EYS: variants seen among roughly 807,000 people sequenced by gnomAD.
EYS encodes the protein protein eyes shut homolog.
A neutral mutation model predicts 282.1 loss-of-function variants in EYS; 250 were observed. The observed-to-expected ratio is 0.89, with a 90% CI of 0.80 to 0.98. The LOEUF (loss-of-function observed/expected upper bound fraction) is 0.98, where lower values mean the gene tolerates loss of function less well. Among genes scored for constraint, EYS ranks in the 50% least tolerant of loss-of-function variants. The probability of loss-of-function intolerance (pLI) is 0.00; values close to 1 mark genes in which losing one functional copy is unlikely to be tolerated. For missense variants in EYS, 4,016 were observed against 3,709.0 expected, an observed-to-expected ratio of 1.08 and a Z score of -2.15; for synonymous variants, 1,355 against 1,282.9, an observed-to-expected ratio of 1.06 and a Z score of -1.20.
intron 31 of EYS, among the ~76,000 whole-genome samples, chr6:64,154,515 T>A (rs1199748247): frequency 6.6e-6 from 1 of 151,880 alleles, no homozygotes; most frequent in Non-Finnish European, 1.5e-5. Context: ...TTTATATACA[T>A]TTTAAAGTAA....
At chr6:65,263,332 C>A (rs148568670) in intron 12 of EYS, among the ~76,000 whole-genome samples, 321 of 152,004 alleles carry the variant, frequency 2.1e-3, no homozygotes, top group Non-Finnish European at 3.9e-3. Flanking sequence ...CAGAGCGAGA[C>A]CCTTTCTCAA....
At chr6:65,606,910 C>G (rs371030283) in intron 2 of EYS, among the ~76,000 whole-genome samples, 2 of 150,568 alleles carry the variant, frequency 1.3e-5, no homozygotes, top group East Asian at 3.9e-4. Flanking sequence ...TTTGAATTTA[C>G]TAGTTATTTT....
intron 14 of EYS, among the ~76,000 whole-genome samples, chr6:64,947,815 G>A (rs1180847434): frequency 1.3e-5 from 2 of 151,644 alleles, no homozygotes; most frequent in Admixed American, 1.3e-4. Context: ...CCACTCAGTA[G>A]CATAAATGGC....
intron 22 of EYS, among the ~76,000 whole-genome samples, chr6:64,708,096 A>G (rs975020623): frequency 1.8e-4 from 28 of 152,226 alleles, no homozygotes; most frequent in Admixed American, 1.4e-3. Flanking sequence ...TTTAGTCTTC[A>G]GCAGATTAAG....
At chr6:65,675,363 C>G (rs1214002507) in intron 1 of EYS, among the ~76,000 whole-genome samples, 1 of 151,174 alleles carries the variant, frequency 6.6e-6, no homozygotes, top group African/African-American at 2.4e-5. Flanking sequence ...CTATAAGCAC[C>G]CTACAAGAGA....
intron 14 of EYS, among the ~76,000 whole-genome samples, chr6:64,970,815 A>G (rs9360103): frequency 0.068 from 10,282 of 152,196 alleles, 440 homozygotes; most frequent in East Asian, 0.13. Flanking sequence ...GTACCATAGA[A>G]TGAGGTCTGC....
intron 29 of EYS, among the ~76,000 whole-genome samples, chr6:64,331,705 G>A (rs978115857): frequency 6.6e-5 from 10 of 151,750 alleles, no homozygotes; most frequent in Admixed American, 1.3e-4. Flanking sequence ...AACTGCCATC[G>A]CTCAAGCCAT....
intron 22 of EYS, among the ~76,000 whole-genome samples, chr6:64,805,571 C>T (rs951357351): frequency 2.6e-5 from 4 of 151,478 alleles, no homozygotes; most frequent in Admixed American, 6.6e-5. Context: ...TATGGAATGA[C>T]ACAGAAAAGT....
chr6:64,965,043 AAG>A (rs1449899319), intron 14 of EYS, among the ~76,000 whole-genome samples: 1 of 152,158 alleles, frequency 6.6e-6, no homozygotes, highest in African/African-American at 2.4e-5. Flanking sequence ...AAAAAATAAA[AAG>A]AAATTAATTT....
In EYS at chr6:65,442,984, A is replaced by G. The variant is rs1389033353; in HGVS notation, c.863-37617T>C. On this transcript the variant is annotated intron_variant, in intron 5 of 42. Transcript: ENST00000503581. ...TATGTACATATATGTATATATACAT[A>G]TGTGCGTATATGTATATATGTACAC... 5.9e-5 allele frequency among the ~76,000 whole-genome samples: 9 copies of G among 151,640 alleles called. 1 individual carries two copies. Among genetic ancestry groups the G allele is most frequent in the Admixed American group, 5.3e-4 (8 of 15,144 alleles).
At chr6:64,196,964 G>T (rs1321049718) in intron 31 of EYS, among the ~76,000 whole-genome samples, 1 of 150,480 alleles carries the variant, frequency 6.6e-6, no homozygotes, top group Non-Finnish European at 1.5e-5. Flanking sequence ...GCTCCTGTTT[G>T]TCTTTACTAG....
At chr6:65,141,572 T>C (rs1159552979) in intron 12 of EYS, among the ~76,000 whole-genome samples, 22 of 151,982 alleles carry the variant, frequency 1.4e-4, no homozygotes, top group Non-Finnish European at 1.9e-4. Flanking sequence ...GTACCCTAAG[T>C]GGATAATTCT....
intron 10 of EYS, among the ~76,000 whole-genome samples, chr6:65,336,006 C>T (rs1481108791): frequency 6.6e-6 from 1 of 151,634 alleles, no homozygotes; most frequent in African/African-American, 2.4e-5. Context: ...TAACACCTCT[C>T]CCTTTACTCT....
intron 31 of EYS, among the ~76,000 whole-genome samples, chr6:64,096,860 G>GT (rs1289845438): frequency 1.2e-4 from 18 of 152,256 alleles, no homozygotes; most frequent in Admixed American, 1.0e-3. Context: ...TTTCTGCTCT[G>GT]TTTTTTCCCC....
intron 22 of EYS, among the ~76,000 whole-genome samples, chr6:64,690,065 T>C (rs1421723423): frequency 1.3e-5 from 2 of 151,942 alleles, no homozygotes; most frequent in South Asian, 4.2e-4. Flanking sequence ...AGAAAATTTT[T>C]GCAATCTACT....
At chr6:65,185,953 C>T (rs887242791) in intron 12 of EYS, among the ~76,000 whole-genome samples, 6 of 150,250 alleles carry the variant, frequency 4.0e-5, no homozygotes, top group African/African-American at 1.5e-4. Flanking sequence ...TTAATCTCCA[C>T]ATCCACTTTT....
chr6:64,306,843 G>C, intron 30 of EYS, 127 bp downstream of exon 30: 1 of 626,768 alleles, frequency 1.6e-6, no homozygotes, highest in Non-Finnish European at 2.8e-6. Context: ...TAGAACGTAG[G>C]AATGTGAAGC....
At chr6:65,612,393 AAC>A (rs1766033053) in intron 2 of EYS, among the ~76,000 whole-genome samples, 1 of 151,820 alleles carries the variant, frequency 6.6e-6, no homozygotes, top group African/African-American at 2.4e-5. Context: ...CTTAAAGAAA[AAC>A]ACAGGTACTA....
chr6:64,408,020 T>C (rs1349231906), intron 28 of EYS, among the ~76,000 whole-genome samples: 1 of 152,100 alleles, frequency 6.6e-6, no homozygotes, highest in Non-Finnish European at 1.5e-5. Context: ...AGCCACGGCG[T>C]CCAGCCGCAC....
Sources: allele counts gnomAD v4.1 joint callset (sites outside exome capture counted in the v4.1 genomes callset), GRCh38; gene constraint gnomAD v4.1.1; transcripts MANE v1.5; gene names NCBI Gene and HGNC (gene_info 2026-07-23, HGNC 2026-07-21).